The following DPH6 variants were observed in gnomAD, a reference collection of about 807,000 sequenced individuals.
DPH6 encodes the protein diphthine--ammonia ligase.
Under a neutral mutation model 38.2 loss-of-function variants are expected in DPH6, and 33 were observed. That is an observed-to-expected ratio of 0.86 (90% CI 0.65 to 1.15). The LOEUF is 1.15. Ranked by LOEUF, DPH6 falls within the 50% of genes most tolerant of loss-of-function variation. The pLI is 0.00. For missense variants in DPH6, 325 were observed against 320.0 expected (o/e 1.02, Z -0.12); for synonymous variants, 108 against 103.0 (o/e 1.05, Z -0.30).
chr15:35,496,398 A>T (rs1174938240), intron 3 of DPH6, among the ~76,000 whole-genome samples: 1 of 150,808 alleles, frequency 6.6e-6, no homozygotes, highest in African/African-American at 2.4e-5. Flanking sequence ...TACTAAAAAT[A>T]GAAAAAATTA....
At chr15:35,209,262 C>T in the DPH6 span, among the ~76,000 whole-genome samples, 11 of 152,068 alleles carry the variant, frequency 7.2e-5, no homozygotes, top group South Asian at 2.1e-4. Context: ...TAGTTCTTAA[C>T]CTCAACAAAG....
At chr15:35,345,290 T>C (rs1047063415) in intron 3 of DPH6, among the ~76,000 whole-genome samples, 1 of 151,914 alleles carries the variant, frequency 6.6e-6, no homozygotes, top group African/African-American at 2.4e-5. Context: ...TGTTTTGCAC[T>C]ATTTATAGAG....
intron 3 of DPH6, among the ~76,000 whole-genome samples, chr15:35,355,236 T>C (rs1020366544): frequency 3.9e-5 from 6 of 152,200 alleles, no homozygotes; most frequent in Admixed American, 1.3e-4. Context: ...TGACTCTTTA[T>C]CCAATTTGCC....
intron 6 of DPH6, among the ~76,000 whole-genome samples, chr15:35,397,027 A>T (rs976702855): frequency 2.6e-5 from 4 of 152,260 alleles, no homozygotes; most frequent in Admixed American, 2.0e-4. Context: ...AAATTTGTCA[A>T]TTAACAAGAA....
At position 35,542,389 on chromosome 15, in the gene DPH6, T is replaced by C. The variant is rs199618135; in HGVS notation, c.118+24A>G. 36 of 1,528,070 alleles carry C rather than the reference T, an allele frequency of 2.4e-5. No individual in the cohort carries two copies. In the African/African-American group the frequency reaches 4.9e-4, roughly 21 times the overall value. The allele number at this position is 1,528,070 out of a possible 1,614,324, so 94.7% of individuals were successfully genotyped here. A position where few individuals can be genotyped will look rare whatever the true frequency, so the allele number is the denominator to read the frequency against. On this transcript the variant is annotated intron_variant, in intron 2 of 8. Transcript: ENST00000256538. ...TTGGAATTTCATTCATTTAGGCAACTTCCCAATAAAGGCATGTACTTACCT... is the reference window on the plus strand; with the variant it reads ...TTGGAATTTCATTCATTTAGGCAACCTCCCAATAAAGGCATGTACTTACCT...
chr15:35,189,338 A>G, the DPH6 span, among the ~76,000 whole-genome samples: 4 of 152,196 alleles, frequency 2.6e-5, no homozygotes, highest in Non-Finnish European at 5.9e-5. Context: ...ATTTGCTTTT[A>G]AGTTCTTAGG....
intron 2 of DPH6, among the ~76,000 whole-genome samples, chr15:35,539,056 T>G (rs1757372520): frequency 6.6e-6 from 1 of 152,054 alleles, no homozygotes; most frequent in Non-Finnish European, 1.5e-5. Context: ...ATATGATATC[T>G]TAAGCTAATC....
At chr15:35,541,996 T>G (rs1190199592) in intron 2 of DPH6, among the ~76,000 whole-genome samples, 3 of 152,112 alleles carry the variant, frequency 2.0e-5, no homozygotes, top group Non-Finnish European at 4.4e-5. Context: ...AATATATCAT[T>G]TATCAATATG....
chr15:35,489,839 A>C, intron 3 of DPH6: 1 of 976,628 alleles, frequency 1.0e-6, no homozygotes, highest in Non-Finnish European at 1.2e-6. Context: ...TTTTAAAAGG[A>C]ATATTAATAA....
intron 3 of DPH6, among the ~76,000 whole-genome samples, chr15:35,343,146 A>C (rs1214789319): frequency 6.6e-6 from 1 of 152,236 alleles, no homozygotes; most frequent in East Asian, 1.9e-4. Context: ...CAATGTTCAC[A>C]TCAATATTAG....
chr15:35,460,115 T>C (rs1388108366), intron 3 of DPH6, among the ~76,000 whole-genome samples: 1 of 152,010 alleles, frequency 6.6e-6, no homozygotes, highest in African/African-American at 2.4e-5. Context: ...CATTAGGGGG[T>C]TGATTATGAC....
At chr15:35,535,187 G>C (rs888010881) in intron 3 of DPH6, among the ~76,000 whole-genome samples, 5 of 152,040 alleles carry the variant, frequency 3.3e-5, no homozygotes, top group African/African-American at 4.8e-5. Flanking sequence ...CAAGCATAAA[G>C]ACACATCATA....
chr15:35,165,803 G>A, the DPH6 span, among the ~76,000 whole-genome samples: 4 of 151,866 alleles, frequency 2.6e-5, no homozygotes, highest in East Asian at 1.9e-4. Flanking sequence ...CTGAACAACC[G>A]AAATTTCACG....
intron 3 of DPH6, among the ~76,000 whole-genome samples, chr15:35,267,963 G>A (rs1156498201): frequency 1.3e-5 from 2 of 152,128 alleles, no homozygotes; most frequent in East Asian, 1.9e-4. Context: ...GAGGTCAGGA[G>A]ATCAAGACCA....
intron 3 of DPH6, among the ~76,000 whole-genome samples, chr15:35,247,505 G>A (rs1005498661): frequency 6.6e-6 from 1 of 152,130 alleles, no homozygotes; most frequent in African/African-American, 2.4e-5. Context: ...CCTCAACCAA[G>A]TCACAAGATA....
At chr15:35,345,627 C>G (rs1453531741) in intron 3 of DPH6, among the ~76,000 whole-genome samples, 2 of 151,888 alleles carry the variant, frequency 1.3e-5, no homozygotes, top group East Asian at 1.9e-4. Context: ...TCACCAGATA[C>G]TACTCGATAA....
At position 35,227,174 on chromosome 15, in the gene DPH6, C is replaced by CTTTT. The variant is rs71415001; in HGVS notation, n.201-6596_201-6593dup. Among the ~76,000 whole-genome samples the CTTTT allele has an allele frequency of 8.2e-4, 63 of 77,078 alleles. 3 individuals are homozygous for CTTTT. The highest frequency in any genetic ancestry group is 1.1e-3 in the Non-Finnish European group (40 of 37,970). 50.6% of individuals were successfully genotyped at this position (77,078 alleles called of 152,430 possible). A position where few individuals can be genotyped will look rare whatever the true frequency, so the allele number is the denominator to read the frequency against. On this transcript the variant is annotated intron_variant and non_coding_transcript_variant, in intron 3 of 3. Transcript: ENST00000560386. ...TCTGCAATATCAGTTATAACATCTT[C>CTTTT]TTTTTTTTTTTTTTTTTTTTTTTTT...
intron 3 of DPH6, among the ~76,000 whole-genome samples, chr15:35,284,330 G>A (rs1284496941): frequency 6.6e-6 from 1 of 152,144 alleles, no homozygotes; most frequent in Admixed American, 6.5e-5. Context: ...CTTAACCTGT[G>A]TGTAGAGGAA....
chr15:35,522,033 T>A, intron 3 of DPH6: 1 of 1,567,036 alleles, frequency 6.4e-7, no homozygotes, highest in Non-Finnish European at 8.6e-7. Context: ...CAGCATCCAA[T>A]TAGTATGTCT....
Sources: gnomAD v4.1 joint callset for allele counts (sites outside exome capture counted in the v4.1 genomes callset) on GRCh38, gnomAD v4.1.1 for gene constraint, MANE v1.5 for transcripts, NCBI Gene and HGNC (gene_info 2026-07-23, HGNC 2026-07-21) for gene names.